Variants in FHIT observed in about 807,000 individuals in gnomAD.
FHIT encodes the protein fragile histidine triad diadenosine triphosphatase, also known as bis(5'-adenosyl)-triphosphatase.
FHIT carries 19 observed loss-of-function variants against 17.9 expected under a neutral mutation model. The observed-to-expected ratio is 1.06, with a 90% CI of 0.74 to 1.56. FHIT has a LOEUF of 1.56. FHIT is among the 40% of genes most tolerant of loss of function. The pLI is 0.00. For synonymous variants in FHIT, 81 were observed against 69.7 expected, an observed-to-expected ratio of 1.16 and a Z score of -0.81; for missense variants, 248 against 189.2, an observed-to-expected ratio of 1.31 and a Z score of -1.82.
At chr3:60,273,266 C>A (rs1706957553) in intron 5 of FHIT, among the ~76,000 whole-genome samples, 1 of 152,142 alleles carries the variant, frequency 6.6e-6, no homozygotes, top group African/African-American at 2.4e-5. Flanking sequence ...ATATCCAATT[C>A]TCTTCTAGAG....
chr3:60,195,645 G>GAT (rs1371900121), intron 5 of FHIT, among the ~76,000 whole-genome samples: 3 of 143,088 alleles, frequency 2.1e-5, no homozygotes, highest in East Asian at 2.0e-4. Flanking sequence ...ATATAAACAT[G>GAT]ATATATATAC....
At chr3:61,086,576 T>C (rs1481454010) in intron 2 of FHIT, among the ~76,000 whole-genome samples, 1 of 152,178 alleles carries the variant, frequency 6.6e-6, no homozygotes, top group Non-Finnish European at 1.5e-5. Flanking sequence ...CAACAAATGC[T>C]TCAAAAAGAA....
intron 5 of FHIT, among the ~76,000 whole-genome samples, chr3:60,321,491 T>C (rs960426423): frequency 6.6e-6 from 1 of 151,890 alleles, no homozygotes; most frequent in African/African-American, 2.4e-5. Context: ...CCAAAAAAAA[T>C]TCTTATAGCC....
At chr3:60,182,937 A>G (rs1482896228) in intron 5 of FHIT, among the ~76,000 whole-genome samples, 1 of 151,960 alleles carries the variant, frequency 6.6e-6, no homozygotes, top group African/African-American at 2.4e-5. Context: ...GAAAAAAAAG[A>G]AAAAACAATG....
intron 7 of FHIT, among the ~76,000 whole-genome samples, chr3:59,938,769 T>C (rs1284152026): frequency 4.6e-5 from 7 of 152,184 alleles, no homozygotes; most frequent in Non-Finnish European, 1.5e-5. Flanking sequence ...TTTGAAAATA[T>C]ACATTGTAAA....
At chr3:61,198,904 TG>T (rs2038933632) in intron 2 of FHIT, among the ~76,000 whole-genome samples, 1,011 of 63,162 alleles carry the variant, frequency 0.016, 11 homozygotes, top group African/African-American at 0.11. Flanking sequence ...CCGATGATGA[TG>T]ATGATGATGA....
At chr3:60,337,583 A>G (rs970132453) in intron 5 of FHIT, among the ~76,000 whole-genome samples, 2 of 152,206 alleles carry the variant, frequency 1.3e-5, no homozygotes, top group African/African-American at 2.4e-5. Context: ...CCATAAACCT[A>G]TGGCAAAAAT....
intron 5 of FHIT, among the ~76,000 whole-genome samples, chr3:60,472,729 A>G (rs1447823517): frequency 6.6e-6 from 1 of 152,158 alleles, no homozygotes; most frequent in Non-Finnish European, 1.5e-5. Flanking sequence ...TTTCTCATAG[A>G]GAAAATAAAA....
chr3:60,839,181 G>A (rs1414296765), intron 3 of FHIT, among the ~76,000 whole-genome samples: 18 of 152,130 alleles, frequency 1.2e-4, no homozygotes, highest in African/African-American at 4.3e-4. Flanking sequence ...AATGGTGAGT[G>A]TAATATTTAA....
intron 7 of FHIT, among the ~76,000 whole-genome samples, chr3:59,925,513 G>T (rs56999576): frequency 5.9e-5 from 9 of 152,076 alleles, no homozygotes; most frequent in Non-Finnish European, 1.0e-4. Flanking sequence ...ACATATGGGG[G>T]GTTGCGAACC....
chr3:60,523,864 T>G (rs1234606420), intron 5 of FHIT, among the ~76,000 whole-genome samples: 2 of 152,182 alleles, frequency 1.3e-5, no homozygotes, highest in Non-Finnish European at 2.9e-5. Flanking sequence ...TTTGGAATGA[T>G]GAATATTAGT....
At chr3:61,199,124 C>T (rs925908622) in intron 2 of FHIT, among the ~76,000 whole-genome samples, 3 of 152,322 alleles carry the variant, frequency 2.0e-5, no homozygotes, top group Admixed American at 2.0e-4. Flanking sequence ...CGCAGTCCAA[C>T]AGCTAGTAAA....
chr3:61,183,223 C>G (rs1340791056), intron 2 of FHIT, among the ~76,000 whole-genome samples: 2 of 152,130 alleles, frequency 1.3e-5, no homozygotes, highest in Non-Finnish European at 2.9e-5. Context: ...ATTCTCTCAT[C>G]ATCTTTCTAT....
intron 4 of FHIT, among the ~76,000 whole-genome samples, chr3:60,808,940 A>T (rs1051602813): frequency 4.6e-5 from 7 of 152,194 alleles, no homozygotes; most frequent in Admixed American, 3.3e-4. Flanking sequence ...TATTCAACAT[A>T]CACGAAACAG....
chr3:60,663,793 T>C (rs2040318966), intron 4 of FHIT, among the ~76,000 whole-genome samples: 2 of 152,296 alleles, frequency 1.3e-5, no homozygotes, highest in South Asian at 4.1e-4. Flanking sequence ...TACACTGTTT[T>C]TGATATTGGT....
intron 5 of FHIT, among the ~76,000 whole-genome samples, chr3:60,392,010 C>A (rs1701251874): frequency 6.6e-6 from 1 of 151,774 alleles, no homozygotes; most frequent in South Asian, 2.1e-4. Flanking sequence ...TTATGATCAA[C>A]TCAATACAGA....
intron 3 of FHIT, among the ~76,000 whole-genome samples, chr3:60,894,683 AAAAC>A (rs1435890396): frequency 1.3e-5 from 2 of 152,244 alleles, no homozygotes; most frequent in South Asian, 2.1e-4. Flanking sequence ...AAAACAAAAA[AAAAC>A]AAACAAAAAA....
At chr3:60,528,961 G>C (rs1430214398) in intron 5 of FHIT, among the ~76,000 whole-genome samples, 1 of 152,124 alleles carries the variant, frequency 6.6e-6, no homozygotes, top group Non-Finnish European at 1.5e-5. Context: ...CACTGCCTAA[G>C]ACATATCCAC....
At chr3:61,089,185 C>CTACCAGGTCCATTCCCAGCTCAA (rs2035398921) in intron 2 of FHIT, among the ~76,000 whole-genome samples, 1 of 152,172 alleles carries the variant, frequency 6.6e-6, no homozygotes. Context: ...TTGTGTCAGA[C>CTACCAGGTCCATTCCCAGCTCAA]TACCAGGTCC....
Sources: allele counts gnomAD v4.1 joint callset (sites outside exome capture counted in the v4.1 genomes callset), GRCh38; gene constraint gnomAD v4.1.1; transcripts MANE v1.5; gene names NCBI Gene and HGNC (gene_info 2026-07-23, HGNC 2026-07-21).